VPS13B: variants seen among roughly 807,000 people sequenced by gnomAD.
VPS13B encodes the protein vacuolar protein sorting 13 homolog B.
In VPS13B, 285 loss-of-function variants were observed where a neutral mutation model predicts 426.4. The ratio of observed to expected loss-of-function variants is 0.67; its 90% CI spans 0.61 to 0.74. The LOEUF (loss-of-function observed/expected upper bound fraction) is 0.74, where lower values mean the gene tolerates loss of function less well. Among genes scored for constraint, VPS13B ranks in the 30% least tolerant of loss-of-function variants. VPS13B has a pLI of 0.00. For missense variants in VPS13B, 4,537 were observed against 4,782.6 expected (o/e 0.95, Z 1.51); for synonymous variants, 1,676 against 1,676.4 (o/e 1.00, Z 0.01).
chr8:99,094,747 T>C (rs948814117), intron 3 of VPS13B, among the ~76,000 whole-genome samples: 7 of 152,184 alleles, frequency 4.6e-5, no homozygotes, highest in African/African-American at 1.4e-4. Flanking sequence ...GGTAAACTAG[T>C]GATGATTATT....
At chr8:99,743,966 T>C (rs1320794495) in intron 39 of VPS13B, among the ~76,000 whole-genome samples, 1 of 152,108 alleles carries the variant, frequency 6.6e-6, no homozygotes, top group Non-Finnish European at 1.5e-5. Context: ...AAAGCCAAAA[T>C]TGACAAATGG....
chr8:99,859,528 T>A, intron 57 of VPS13B, 48 bp downstream of exon 57: 1 of 1,603,132 alleles, frequency 6.2e-7, no homozygotes, highest in South Asian at 1.1e-5. Context: ...CTTCCCTTTT[T>A]TTTTTTTTTT....
At position 99,652,077 on chromosome 8, in the gene VPS13B, A is replaced by G. The variant is rs16897539; in HGVS notation, c.5909-9277A>G. Among the ~76,000 whole-genome samples, 505 of 152,292 alleles carry G rather than the reference A, an allele frequency of 3.3e-3. 2 individuals are homozygous for G. Among genetic ancestry groups the G allele is most frequent in the African/African-American group, 0.012 (483 of 41,580 alleles). ...GTCATAGCACACTTCTGTGTAGGAT[A>G]CTGTAATGTTTAAGATAGGTTATCT... On this transcript the variant is annotated intron_variant, in intron 34 of 61. Transcript: ENST00000357162.
intron 3 of VPS13B, among the ~76,000 whole-genome samples, chr8:99,076,847 C>G (rs191182999): frequency 3.5e-4 from 53 of 152,122 alleles, no homozygotes; most frequent in African/African-American, 1.2e-3. Flanking sequence ...GGAATTTAAT[C>G]TATTTACATT....
chr8:99,854,292 A>G, intron 56 of VPS13B, 36 bp downstream of exon 56: 1 of 1,601,534 alleles, frequency 6.2e-7, no homozygotes. Context: ...GATGAGCTAG[A>G]GCCCGGGTAG....
At chr8:99,104,875 T>C (rs1357645140) in intron 5 of VPS13B, among the ~76,000 whole-genome samples, 1 of 152,206 alleles carries the variant, frequency 6.6e-6, no homozygotes, top group African/African-American at 2.4e-5. Flanking sequence ...TCCACCCACC[T>C]TGGCCTCCCA....
chr8:99,710,515 AGAAAG>A (rs1832668709), intron 36 of VPS13B, among the ~76,000 whole-genome samples: 2 of 152,302 alleles, frequency 1.3e-5, no homozygotes, highest in Admixed American at 1.3e-4. Context: ...TGGGAAAAAA[AGAAAG>A]GCCTGATGTC....
At chr8:99,029,635 G>T (rs1842404643) in intron 2 of VPS13B, among the ~76,000 whole-genome samples, 1 of 152,078 alleles carries the variant, frequency 6.6e-6, no homozygotes, top group Non-Finnish European at 1.5e-5. Flanking sequence ...AACCAGTCAG[G>T]TGTGGCGGCG....
At chr8:99,302,844 C>G (rs540495794) in intron 19 of VPS13B, among the ~76,000 whole-genome samples, 1 of 152,212 alleles carries the variant, frequency 6.6e-6, no homozygotes, top group South Asian at 2.1e-4. Flanking sequence ...CAGAATGGCT[C>G]CATGGGCACG....
intron 34 of VPS13B, among the ~76,000 whole-genome samples, chr8:99,661,071 C>T (rs987802485): frequency 2.0e-5 from 3 of 152,028 alleles, no homozygotes; most frequent in African/African-American, 7.2e-5. Context: ...GCTCAGAATA[C>T]ATAAACTTTA....
intron 21 of VPS13B, among the ~76,000 whole-genome samples, chr8:99,400,126 G>C (rs1027925648): frequency 6.6e-6 from 1 of 152,180 alleles, no homozygotes; most frequent in Middle Eastern, 3.2e-3. Flanking sequence ...AGAAGAGAAA[G>C]CTTTAGAAGG....
At chr8:99,818,629 A>G (rs1814183638) in intron 46 of VPS13B, 84 bp from the exon 47 acceptor site, 3 of 1,603,698 alleles carry the variant, frequency 1.9e-6, no homozygotes. Flanking sequence ...GAAGAGATTT[A>G]TTACAAGTTT....
At chr8:99,117,879 A>G (rs755003031) in intron 7 of VPS13B, among the ~76,000 whole-genome samples, 23 of 152,182 alleles carry the variant, frequency 1.5e-4, no homozygotes, top group Non-Finnish European at 2.5e-4. Context: ...ACTTGTGACT[A>G]TTAAAAAAAT....
At chr8:99,100,184 G>A (rs1437441640) in intron 4 of VPS13B, among the ~76,000 whole-genome samples, 2 of 152,148 alleles carry the variant, frequency 1.3e-5, no homozygotes, top group East Asian at 3.8e-4. Flanking sequence ...AACAGTGATA[G>A]TCTTCTACAG....
chr8:99,490,752 C>G (rs1276301899), intron 25 of VPS13B, among the ~76,000 whole-genome samples: 1 of 152,064 alleles, frequency 6.6e-6, no homozygotes, highest in Non-Finnish European at 1.5e-5. Context: ...GTGATATCCC[C>G]TTTATTATTT....
At chr8:99,609,895 T>G (rs961803892) in intron 33 of VPS13B, among the ~76,000 whole-genome samples, 1 of 152,232 alleles carries the variant, frequency 6.6e-6, no homozygotes, top group African/African-American at 2.4e-5. Context: ...TCAGTGCACA[T>G]GTCAACAGGG....
chr8:99,157,297 A>C (rs568756463), intron 15 of VPS13B, among the ~76,000 whole-genome samples: 1 of 150,896 alleles, frequency 6.6e-6, no homozygotes, highest in South Asian at 2.1e-4. Context: ...AACAAATTGA[A>C]GGTTTGTGGC....
intron 50 of VPS13B, 47 bp from the exon 51 acceptor site, chr8:99,823,785 A>G: frequency 6.3e-7 from 1 of 1,584,842 alleles, no homozygotes; most frequent in South Asian, 1.1e-5. Context: ...AGATTTTGAT[A>G]TGCCTTACAG....
chr8:99,241,080 A>T (rs1316637220), intron 17 of VPS13B: 1 of 152,242 alleles, frequency 6.6e-6, no homozygotes, highest in Non-Finnish European at 1.5e-5. Context: ...TTGAGATGCC[A>T]GCTGGTGTAT....
Sources: gnomAD v4.1 joint callset for allele counts (sites outside exome capture counted in the v4.1 genomes callset) on GRCh38, gnomAD v4.1.1 for gene constraint, MANE v1.5 for transcripts, NCBI Gene and HGNC (gene_info 2026-07-23, HGNC 2026-07-21) for gene names.